The following INO80C variants were observed in gnomAD, a reference collection of about 807,000 sequenced individuals.
INO80C encodes the protein INO80 complex subunit C, also known as IES6 homolog.
A neutral mutation model predicts 17.7 loss-of-function variants in INO80C; 17 were observed. The ratio of observed to expected loss-of-function variants is 0.96; its 90% CI spans 0.66 to 1.44. INO80C has a LOEUF of 1.44. Among genes scored for constraint, INO80C ranks in the 40% most tolerant of loss-of-function variants. The pLI is 0.00. For missense variants in INO80C, 244 were observed against 245.0 expected (o/e 1.00, Z 0.03); for synonymous variants, 96 against 95.8 (o/e 1.00, Z -0.01).
chr18:35,485,132 GTCCCTA>G (rs1255050995), intron 1 of INO80C, among the ~76,000 whole-genome samples: 2 of 151,974 alleles, frequency 1.3e-5, no homozygotes, highest in East Asian at 3.9e-4. Context: ...CCTCCCTGAA[GTCCCTA>G]TCTCCAGAAT....
chr18:35,497,458 G>A, intron 1 of INO80C: 2 of 1,267,100 alleles, frequency 1.6e-6, no homozygotes, highest in Admixed American at 4.0e-5. Flanking sequence ...ACCTCGAGGG[G>A]AAGAGGCAGT....
At chr18:35,468,785 G>C (rs1409963292) in intron 4 of INO80C, 43 bp from the exon 5 acceptor site, 1 of 1,571,598 alleles carries the variant, frequency 6.4e-7, no homozygotes, top group East Asian at 2.2e-5. Flanking sequence ...AGTTTTTGCT[G>C]GTAGGGATAT....
At position 35,478,265 on chromosome 18, in the gene INO80C, G is replaced by GATATAAT. The variant is rs2045760811; in HGVS notation, c.447+10_447+16dup. 1 of 1,518,256 alleles carries GATATAAT rather than the reference G, an allele frequency of 6.6e-7. No individual in the cohort carries two copies. Among genetic ancestry groups the GATATAAT allele is most frequent in the African/African-American group, 1.4e-5 (1 of 71,050 alleles). 94.0% of individuals were successfully genotyped at this position (1,518,256 alleles called of 1,614,324 possible). A position where few individuals can be genotyped will look rare whatever the true frequency, so the allele number is the denominator to read the frequency against. The stretch of plus-strand genomic sequence containing the variant: ...ATCTTTTCCATTTAATGTTATAAGA[G>GATATAAT]ATATAATCATACTCACAAGCAGACC... On this transcript the variant is annotated intron_variant, in intron 4 of 4. Transcript: ENST00000334598.
intron 1 of INO80C, chr18:35,497,289 A>G (rs759810902): frequency 1.9e-5 from 18 of 971,654 alleles, no homozygotes; most frequent in Non-Finnish European, 2.2e-5. Flanking sequence ...GATGAGAGAA[A>G]GCATACTTAT....
rs1321336033 is a variant in INO80C at position 35,468,539 on chromosome 18, T to A, written c.*72A>T. 1 of 1,601,244 alleles carries A rather than the reference T, an allele frequency of 6.2e-7. No homozygotes were observed. Among genetic ancestry groups the A allele is most frequent in the East Asian group, 2.2e-5 (1 of 44,598 alleles). On this transcript the variant is annotated 3_prime_UTR_variant, in exon 5 of 5. Transcript: ENST00000334598. ...AGATTGACAGCAGAACGAGTTTGTT[T>A]CCGTGAAACAAAATCATGAGTCCAG...
At chr18:35,494,068 C>T (rs772945872) in intron 1 of INO80C, among the ~76,000 whole-genome samples, 19 of 152,226 alleles carry the variant, frequency 1.2e-4, no homozygotes, top group Non-Finnish European at 2.5e-4. Context: ...AACTTCAAGT[C>T]CCTCTGCCTC....
chr18:35,478,327 T>TG lies in INO80C; in HGVS notation c.401dup (p.Ser135IlefsTer3). The TG allele has an allele frequency of 6.3e-7, 1 of 1,597,272 alleles. No homozygotes were observed. The highest frequency in any genetic ancestry group is 8.5e-7 in the Non-Finnish European group (1 of 1,172,922). ...AATACTTCTTAGCTGGCTTAAAGGATGGAGGAGCATCAATACTGAAGTCTG... is the reference window on the plus strand; with the variant it reads ...AATACTTCTTAGCTGGCTTAAAGGATGGGAGGAGCATCAATACTGAAGTCTG... On this transcript the variant is annotated frameshift_variant, in exon 4 of 5. Transcript: ENST00000334598. LOFTEE classifies it high-confidence loss of function.
At chr18:35,489,995 T>TA (rs879764469) in intron 1 of INO80C, among the ~76,000 whole-genome samples, 47 of 145,380 alleles carry the variant, frequency 3.2e-4, no homozygotes, top group African/African-American at 5.8e-4. Flanking sequence ...TTTAGAGGAT[T>TA]AAAAAAAAAA....
chr18:35,472,426 CT>C (rs1888915937), intron 4 of INO80C, among the ~76,000 whole-genome samples: 1 of 152,192 alleles, frequency 6.6e-6, no homozygotes, highest in Non-Finnish European at 1.5e-5. Context: ...TGTTCATATC[CT>C]TTGCCCGCTT....
intron 1 of INO80C, among the ~76,000 whole-genome samples, chr18:35,485,782 T>C (rs1246410061): frequency 2.0e-5 from 3 of 152,352 alleles, no homozygotes; most frequent in Admixed American, 1.3e-4. Context: ...TTATTCATAA[T>C]TGCCAAAAGG....
intron 1 of INO80C, among the ~76,000 whole-genome samples, chr18:35,486,162 T>G (rs2045871901): frequency 6.6e-6 from 1 of 152,122 alleles, no homozygotes; most frequent in Admixed American, 6.5e-5. Context: ...GTCCATAAAA[T>G]GTAATATTAT....
Position 35,479,324 on chromosome 18 carries a change from G to T in INO80C, c.355C>A (p.Pro119Thr). ...CAGTTAGGATCGTTCAGTTGCCACGGCAATGCCCTTTCAGAAGCGAGGATT... is the reference window on the plus strand; with the variant it reads ...CAGTTAGGATCGTTCAGTTGCCACGTCAATGCCCTTTCAGAAGCGAGGATT... The part of the protein sequence containing the change: ...KQILASERAL[P>T]WQLNDPNYFS... Residue 119 changes from proline to threonine, a missense_variant, in exon 3 of 5, where the codon CCG (proline) becomes ACG (threonine). Coordinates refer to ENST00000334598, the MANE Select transcript of INO80C (RefSeq NM_194281.4). The T allele has an allele frequency of 6.2e-7, 1 of 1,613,214 alleles. No homozygotes were observed. Among genetic ancestry groups the T allele is most frequent in the Non-Finnish European group, 8.5e-7 (1 of 1,179,180 alleles).
Position 35,480,477 on chromosome 18 carries a change from C to A in INO80C, c.243G>T (p.Leu81Phe), listed in dbSNP as rs764558553. 2 of 1,613,790 alleles carry A rather than the reference C, an allele frequency of 1.2e-6. No homozygotes were observed. Among genetic ancestry groups the A allele is most frequent in the Non-Finnish European group, 1.7e-6 (2 of 1,179,676 alleles). ...TGPVEKAAKP[L>F]PFKDPNFVHS... The stretch of plus-strand genomic sequence containing the variant: ...CCACAAAGTTGGGATCCTTAAATGG[C>A]AAAGGTTTGGCAGCTTTTTCCACAG... Residue 81 changes from leucine to phenylalanine, a missense_variant, in exon 2 of 5, where the codon TTG becomes TTT. Coordinates refer to ENST00000334598, the MANE Select transcript of INO80C (RefSeq NM_194281.4).
chr18:35,479,499 A>C, intron 2 of INO80C, 88 bp from the exon 3 acceptor site: 3 of 760,122 alleles, frequency 3.9e-6, no homozygotes, highest in Non-Finnish European at 6.9e-6. Flanking sequence ...TCATAACTGT[A>C]ATATACCTCT....
chr18:35,480,811 C>G (rs1022720003), intron 1 of INO80C, among the ~76,000 whole-genome samples: 2 of 152,234 alleles, frequency 1.3e-5, no homozygotes, highest in African/African-American at 2.4e-5. Flanking sequence ...CCCTAAGTGC[C>G]AAGCACAGGG....
chr18:35,475,286 CT>C lies in INO80C; in HGVS notation c.447+2995del, dbSNP rs1217805372. ...GAAGCAAAAAGACAACATTTAACCA[CT>C]GACATCTTAAAAGTGATGAAAGAAA... On this transcript the variant is annotated intron_variant, in intron 4 of 4. Coordinates refer to ENST00000334598, the MANE Select transcript of INO80C (RefSeq NM_194281.4). Among the ~76,000 whole-genome samples the C allele has an allele frequency of 8.5e-5, 13 of 152,324 alleles. No homozygotes were observed. The East Asian group carries it at 2.5e-3, about 29-fold the overall frequency.
In INO80C at chr18:35,497,798, C is replaced by G. The variant is rs2046001182; in HGVS notation, c.77G>C (p.Ser26Thr). 6.2e-7 allele frequency: 1 copy of G among 1,613,010 alleles called. No individual in the cohort carries two copies. The highest frequency in any genetic ancestry group is 1.1e-5 in the South Asian group (1 of 91,034). ...IVRNSKKRPA[S>T]PSHNGSSGGG... Reference sequence around the variant, plus strand: ...GCCGCTGCTGCCATTGTGGGAAGGGCTGGCCGGCCTCTTCTTGCTGTTCCG... The same window carrying G: ...GCCGCTGCTGCCATTGTGGGAAGGGGTGGCCGGCCTCTTCTTGCTGTTCCG... The change falls in exon 1 of 5, where the codon AGC becomes ACC. Residue 26 changes from serine to threonine, a missense_variant. Physicochemically the swap from Ser to Thr is moderately conservative, Grantham distance 58. Transcript: ENST00000334598.
At chr18:35,485,537 G>A (rs1210371929) in intron 1 of INO80C, among the ~76,000 whole-genome samples, 1 of 151,706 alleles carries the variant, frequency 6.6e-6, no homozygotes, top group African/African-American at 2.4e-5. Flanking sequence ...TACAATCAAA[G>A]ACAATAACAC....
chr18:35,491,667 C>A (rs922541545), intron 1 of INO80C, among the ~76,000 whole-genome samples: 1 of 150,580 alleles, frequency 6.6e-6, no homozygotes, highest in East Asian at 1.9e-4. Context: ...TGTCTACTAA[C>A]AACAGGATGA....
Sources: gnomAD v4.1 joint callset for allele counts (sites outside exome capture counted in the v4.1 genomes callset) on GRCh38, gnomAD v4.1.1 for gene constraint, MANE v1.5 for transcripts, NCBI Gene and HGNC (gene_info 2026-07-23, HGNC 2026-07-21) for gene names.